The following PPP1R3E variants were observed in gnomAD, a reference collection of about 807,000 sequenced individuals.
The protein encoded by PPP1R3E is protein phosphatase 1 regulatory subunit 3E, also known as protein phosphatase 1, regulatory (inhibitor) subunit 3E.
In PPP1R3E, 20 loss-of-function variants were observed where a neutral mutation model predicts 18.5. The ratio of observed to expected loss-of-function variants is 1.08; its 90% CI spans 0.76 to 1.58. The LOEUF (loss-of-function observed/expected upper bound fraction) is 1.58. Among genes scored for constraint, PPP1R3E ranks in the 40% most tolerant of loss-of-function variants. The probability of loss-of-function intolerance (pLI) is 0.00; values close to 1 mark genes in which losing one functional copy is unlikely to be tolerated. For missense variants in PPP1R3E, 498 were observed against 460.2 expected, an observed-to-expected ratio of 1.08 and a Z score of -0.75; for synonymous variants, 208 against 208.1, an observed-to-expected ratio of 1.00 and a Z score of 0.00.
rs539881526 is a variant in PPP1R3E, at chr14:23,297,245, C to T, written c.*2059G>A. 6.6e-6 allele frequency: 1 copy of T among 152,200 alleles called. No individual in the cohort carries two copies. The highest frequency in any genetic ancestry group is 2.4e-5 in the African/African-American group (1 of 41,438). The allele number at this position is 152,200 out of a possible 1,614,324, so 9.4% of individuals were successfully genotyped here. On this transcript the variant is annotated 3_prime_UTR_variant, in exon 5 of 5. Transcript: ENST00000452015. ...ACATTAATAGGGTGGCTGAAGATTC[C>T]GCTAAACTCCTAGTGTTCCCCGTGT...
intron 3 of PPP1R3E, among the ~76,000 whole-genome samples, chr14:23,299,948 T>TTTTTTTTTTTTTTTG: frequency 6.9e-6 from 1 of 145,854 alleles, no homozygotes; most frequent in African/African-American, 2.7e-5. Context: ...TTTTTTTTTT[T>TTTTTTTTTTTTTTTG]TACAACCAAG....
rs1486268871 is a variant in PPP1R3E, at chr14:23,301,644, G to T, written c.632C>A (p.Pro211Gln). The T allele has an allele frequency of 2.2e-6, 3 of 1,343,466 alleles. No homozygotes were observed. Among genetic ancestry groups the T allele is most frequent in the Admixed American group, 7.3e-5 (2 of 27,312 alleles). The allele number at this position is 1,343,466 out of a possible 1,614,324, so 83.2% of individuals were successfully genotyped here. Residue 211 changes from proline (P) to glutamine (Q), a missense_variant, in exon 2 of 5, where the codon CCG becomes CAG. Transcript: ENST00000452015. ...QREAPAAYAG[P>Q]APPPPRADRF... ...GTCGGCGCGCGGCGGGGGCGGGGCC[G>T]GACCGGCGTAGGCGGCTGGCGCCTC...
chr14:23,301,750 C>G lies in PPP1R3E; in HGVS notation c.526G>C (p.Gly176Arg). Residue 176 changes from glycine (G) to arginine (R), a missense_variant, in exon 2 of 5, where the codon GGG becomes CGG. Gly to Arg is a moderately radical substitution (Grantham distance 125). Transcript: ENST00000452015. ...RAEAGPLGVAGSARVVDLAYE... is the reference protein window; with the variant it reads ...RAEAGPLGVARSARVVDLAYE... ...GCCAGGTCCACCACGCGCGCGCTCC[C>G]GGCCACGCCCAGCGGGCCCGCCTCG... is the stretch of plus-strand genomic sequence containing the variant. The G allele has an allele frequency of 1.4e-6, 2 of 1,418,746 alleles. No homozygotes were observed. The highest frequency in any genetic ancestry group is 1.5e-5 in the African/African-American group (1 of 66,678). The allele number at this position is 1,418,746 out of a possible 1,614,324, so 87.9% of individuals were successfully genotyped here.
rs1886901778 is a variant in PPP1R3E, at chr14:23,297,189, G to A, written c.*2115C>T. 1 of 152,190 alleles carries A rather than the reference G, an allele frequency of 6.6e-6. No homozygotes were observed. Among genetic ancestry groups the A allele is most frequent in the Admixed American group, 6.5e-5 (1 of 15,284 alleles). 9.4% of individuals were successfully genotyped at this position (152,190 alleles called of 1,614,324 possible). A position where few individuals can be genotyped will look rare whatever the true frequency, so the allele number is the denominator to read the frequency against. On this transcript the variant is annotated 3_prime_UTR_variant, in exon 5 of 5. Coordinates refer to ENST00000452015, the MANE Select transcript of PPP1R3E (RefSeq NM_001276318.2). ...GTTCATATAGTCATGAGCCATCAGA[G>A]GAGTTTCCACTACAATGCCTAATGC...
chr14:23,298,653 A>C lies in PPP1R3E; in HGVS notation c.*651T>G, dbSNP rs1886942586. On this transcript the variant is annotated 3_prime_UTR_variant, in exon 5 of 5. Coordinates refer to ENST00000452015, the MANE Select transcript of PPP1R3E (RefSeq NM_001276318.2). Reference sequence around the variant, plus strand: ...CAGTGACACACATACATTAGACAAGAGATTATTACACACTGAGCCTCCACC... The same window carrying C: ...CAGTGACACACATACATTAGACAAGCGATTATTACACACTGAGCCTCCACC... 6.5e-6 allele frequency: 1 copy of C among 154,384 alleles called. No individual in the cohort carries two copies. The highest frequency in any genetic ancestry group is 1.5e-5 in the Non-Finnish European group (1 of 68,184). The allele number at this position is 154,384 out of a possible 1,614,324, so 9.6% of individuals were successfully genotyped here.
At position 23,302,426 on chromosome 14, in the gene PPP1R3E, C is replaced by T. The variant is rs1887071753; in HGVS notation, c.151G>A (p.Ala51Thr). 1.0e-5 allele frequency: 15 copies of T among 1,498,018 alleles called. No individual in the cohort carries two copies. Among genetic ancestry groups the T allele is most frequent in the Admixed American group, 2.2e-5 (1 of 45,612 alleles). 92.8% of individuals were successfully genotyped at this position (1,498,018 alleles called of 1,614,324 possible). ...CTCGGTGCGTGAGCGCGGGATCGGG[C>T]CCCGAACCGCGTCCCGCCCTCGCCT... ...EPGEGGTRFGARSRAHAPSRG... is the reference protein window; with the variant it reads ...EPGEGGTRFGTRSRAHAPSRG... The change falls in exon 1 of 5, where the codon GCC becomes ACC. Residue 51 changes from alanine (A) to threonine (T), a missense_variant. Ala to Thr is a moderately conservative substitution (Grantham distance 58). Transcript: ENST00000452015.
rs1886867495 is a variant in PPP1R3E at position 23,295,968 on chromosome 14, A to T, written c.*3336T>A. ...TAAAATATGAGGTTTTATGTCCAGA[A>T]GGGAGGGCAGTTGCCCATGGAAGGT... On this transcript the variant is annotated 3_prime_UTR_variant, in exon 5 of 5. Transcript: ENST00000452015. The T allele has an allele frequency of 1.3e-5, 2 of 153,238 alleles. No individual in the cohort carries two copies. The highest frequency in any genetic ancestry group is 4.1e-4 in the South Asian group (2 of 4,924). The allele number at this position is 153,238 out of a possible 1,614,324, so 9.5% of individuals were successfully genotyped here. A position where few individuals can be genotyped will look rare whatever the true frequency, so the allele number is the denominator to read the frequency against.
At position 23,301,613 on chromosome 14, in the gene PPP1R3E, G is replaced by T; in HGVS notation, c.663C>A (p.Phe221Leu). Residue 221 changes from phenylalanine (F) to leucine (L), a missense_variant, in exon 2 of 5, where the codon TTC becomes TTA. By Grantham distance (22) the Phe-to-Leu change is conservative. Transcript: ENST00000452015. ...TCGGCGGCGCGGGCAGGCGGAAGGC[G>T]AAGCGGTCGGCGCGCGGCGGGGGCG... Reference protein sequence around the residue: ...PAPPPPRADRFAFRLPAPPIG... With the variant: ...PAPPPPRADRLAFRLPAPPIG... 2 of 1,414,718 alleles carry T rather than the reference G, an allele frequency of 1.4e-6. No individual in the cohort carries two copies. The highest frequency in any genetic ancestry group is 1.8e-6 in the Non-Finnish European group (2 of 1,085,152). 87.6% of individuals were successfully genotyped at this position (1,414,718 alleles called of 1,614,324 possible). A position where few individuals can be genotyped will look rare whatever the true frequency, so the allele number is the denominator to read the frequency against.
Position 23,301,292 on chromosome 14 carries a change from C to T in PPP1R3E, c.*138+6G>A. On this transcript the variant is annotated splice_donor_region_variant and intron_variant, in intron 2 of 4. Transcript: ENST00000452015. ...CCCCACGCCCCCACGCCCCTGATTT[C>T]CCCACCCTTTTCGCCCTCCCCGGCT... 4.0e-6 allele frequency: 1 copy of T among 248,532 alleles called. No homozygotes were observed. The highest frequency in any genetic ancestry group is 5.5e-6 in the Non-Finnish European group (1 of 181,896). The allele number at this position is 248,532 out of a possible 1,614,324, so 15.4% of individuals were successfully genotyped here. A position where few individuals can be genotyped will look rare whatever the true frequency, so the allele number is the denominator to read the frequency against.
intron 4 of PPP1R3E, among the ~76,000 whole-genome samples, chr14:23,299,182 T>C (rs1040345021): frequency 6.6e-6 from 1 of 152,184 alleles, no homozygotes; most frequent in Non-Finnish European, 1.5e-5. Flanking sequence ...GCCAGGCTAG[T>C]CTTGAACTCC....
Position 23,302,181 on chromosome 14 carries a change from C to A in PPP1R3E, c.396G>T (p.Gln132His). 1 of 1,431,298 alleles carries A rather than the reference C, an allele frequency of 7.0e-7. No individual in the cohort carries two copies. The allele number at this position is 1,431,298 out of a possible 1,614,324, so 88.7% of individuals were successfully genotyped here. A position where few individuals can be genotyped will look rare whatever the true frequency, so the allele number is the denominator to read the frequency against. Reference sequence around the variant, plus strand: ...CTACCTGGAGGCCGCGGGCGCGGGGCTGGCAGGGCGCGAAGTGGCGGAGGG... The same window carrying A: ...CTACCTGGAGGCCGCGGGCGCGGGGATGGCAGGGCGCGAAGTGGCGGAGGG... ...RDALRHFAPC[Q>H]PRARGLQEAR... The change falls in exon 1 of 5, where the codon CAG becomes CAT. Residue 132 changes from glutamine (Q) to histidine (H), a missense_variant. By Grantham distance (24) the Gln-to-His change is conservative. Transcript: ENST00000452015.
intron 3 of PPP1R3E, among the ~76,000 whole-genome samples, chr14:23,299,913 G>GTTTTTT (rs1244010225): frequency 2.2e-5 from 1 of 46,144 alleles, no homozygotes; most frequent in African/African-American, 7.1e-5. Flanking sequence ...TTGCTTTGGT[G>GTTTTTT]TTTTTTTGTT....
rs1213827401 is a variant in PPP1R3E, at chr14:23,302,487, C to T, written c.90G>A (p.Gln30=). ...ALTERAYYRS[Q]RPSLEEEPEE... is the part of the protein sequence containing the mutation. ...CCGGCTCCTCCTCGAGGCTGGGCCG[C>T]TGGCTACGGTAGTAGGCGCGCTCCG... The change falls in exon 1 of 5, where the codon CAG becomes CAA. Residue 30 remains glutamine (Q), a synonymous_variant. Coordinates refer to ENST00000452015, the MANE Select transcript of PPP1R3E (RefSeq NM_001276318.2). 43 of 1,506,310 alleles carry T rather than the reference C, an allele frequency of 2.9e-5. No homozygotes were observed. The highest frequency in any genetic ancestry group is 3.6e-5 in the Non-Finnish European group (41 of 1,136,282). 93.3% of individuals were successfully genotyped at this position (1,506,310 alleles called of 1,614,324 possible).
At position 23,295,985 on chromosome 14, in the gene PPP1R3E, A is replaced by G. The variant is rs1401960212; in HGVS notation, c.*3319T>C. 3 of 153,082 alleles carry G rather than the reference A, an allele frequency of 2.0e-5. No individual in the cohort carries two copies. The highest frequency in any genetic ancestry group is 1.9e-4 in the East Asian group (1 of 5,224). 9.5% of individuals were successfully genotyped at this position (153,082 alleles called of 1,614,324 possible). On this transcript the variant is annotated 3_prime_UTR_variant, in exon 5 of 5. Transcript: ENST00000452015. Reference sequence around the variant, plus strand: ...TGTCCAGAAGGGAGGGCAGTTGCCCATGGAAGGTGAAGTGAGGCACAATAC... The same window carrying G: ...TGTCCAGAAGGGAGGGCAGTTGCCCGTGGAAGGTGAAGTGAGGCACAATAC...
At position 23,297,038 on chromosome 14, in the gene PPP1R3E, TGA is replaced by T. The variant is rs1886897909; in HGVS notation, c.*2264_*2265del. Reference sequence around the variant, plus strand: ...TGTAGGAAGACACCTGCAGTCTGGATGAGAGGAATGGGCAACAGTGTCCCTGC... The same window carrying T: ...TGTAGGAAGACACCTGCAGTCTGGATGAGGAATGGGCAACAGTGTCCCTGC... On this transcript the variant is annotated 3_prime_UTR_variant, in exon 5 of 5. Coordinates refer to ENST00000452015, the MANE Select transcript of PPP1R3E (RefSeq NM_001276318.2). 1 of 152,142 alleles carries T rather than the reference TGA, an allele frequency of 6.6e-6. No homozygotes were observed. Among genetic ancestry groups the T allele is most frequent in the African/African-American group, 2.4e-5 (1 of 41,438 alleles). The allele number at this position is 152,142 out of a possible 1,614,324, so 9.4% of individuals were successfully genotyped here.
chr14:23,295,987 G>A lies in PPP1R3E; in HGVS notation c.*3317C>T, dbSNP rs915811473. 2 of 152,964 alleles carry A rather than the reference G, an allele frequency of 1.3e-5. No individual in the cohort carries two copies. The highest frequency in any genetic ancestry group is 4.8e-5 in the African/African-American group (2 of 41,466). The allele number at this position is 152,964 out of a possible 1,614,324, so 9.5% of individuals were successfully genotyped here. On this transcript the variant is annotated 3_prime_UTR_variant, in exon 5 of 5. Transcript: ENST00000452015. ...TCCAGAAGGGAGGGCAGTTGCCCAT[G>A]GAAGGTGAAGTGAGGCACAATACTA...
chr14:23,301,191 C>G (rs1887021180), intron 2 of PPP1R3E, 107 bp downstream of exon 2: 1 of 401,864 alleles, frequency 2.5e-6, no homozygotes, highest in Non-Finnish European at 4.3e-6. Flanking sequence ...GTTCCTTCCA[C>G]TCACATCCAA....
chr14:23,299,927 GTT>G (rs3079707), intron 3 of PPP1R3E, among the ~76,000 whole-genome samples: 4 of 100,772 alleles, frequency 4.0e-5, no homozygotes, highest in East Asian at 3.7e-4. Context: ...TTTTGTTTTT[GTT>G]TTTTTTTTTT....
chr14:23,302,084 G>A (rs1887061246), intron 1 of PPP1R3E, 76 bp downstream of exon 1: 13 of 1,355,290 alleles, frequency 9.6e-6, no homozygotes, highest in South Asian at 1.6e-5. Flanking sequence ...GGTGCTCTTT[G>A]GCAAATCCAC....
Sources: allele counts gnomAD v4.1 joint callset (sites outside exome capture counted in the v4.1 genomes callset), GRCh38; gene constraint gnomAD v4.1.1; transcripts MANE v1.5; gene names NCBI Gene and HGNC (gene_info 2026-07-23, HGNC 2026-07-21).